Variants in ALMS1 observed in about 807,000 individuals in gnomAD.
ALMS1 encodes the protein centrosome-associated protein ALMS1.
A neutral mutation model predicts 352.2 loss-of-function variants in ALMS1; 271 were observed. That is an observed-to-expected ratio of 0.77 (90% CI 0.70 to 0.85). The LOEUF (loss-of-function observed/expected upper bound fraction) is 0.85, where lower values mean the gene tolerates loss of function less well. Ranked by LOEUF, ALMS1 falls within the 40% of genes least tolerant of loss-of-function variation. The probability of loss-of-function intolerance (pLI) is 0.00; values close to 1 mark genes in which losing one functional copy is unlikely to be tolerated. For missense variants in ALMS1, 5,445 were observed against 4,870.7 expected (o/e 1.12, Z -3.51); for synonymous variants, 1,865 against 1,761.2 (o/e 1.06, Z -1.48).
At chr2:73,462,686 A>C (rs1179261266) in intron 9 of ALMS1, 1 of 152,248 alleles carries the variant, frequency 6.6e-6, no homozygotes, top group Non-Finnish European at 1.5e-5. Flanking sequence ...GTCAAGACCC[A>C]TCAGTGTGCT....
At chr2:73,526,551 G>A (rs1332601066) in intron 11 of ALMS1, among the ~76,000 whole-genome samples, 3 of 151,880 alleles carry the variant, frequency 2.0e-5, no homozygotes, top group Non-Finnish European at 4.4e-5. Context: ...TGTGGCTATT[G>A]TAAATGGGAT....
intron 9 of ALMS1, among the ~76,000 whole-genome samples, chr2:73,485,893 G>A (rs1672830033): frequency 6.6e-6 from 1 of 152,140 alleles, no homozygotes; most frequent in South Asian, 2.1e-4. Context: ...CTGACCCCTT[G>A]CGCTTCCCAA....
At chr2:73,491,577 C>T in intron 10 of ALMS1, 79 bp downstream of exon 10, 1 of 1,484,300 alleles carries the variant, frequency 6.7e-7, no homozygotes, top group Non-Finnish European at 9.3e-7. Flanking sequence ...GATATCGGTT[C>T]TTGGGGGAAA....
At position 73,550,284 on chromosome 2, in the gene ALMS1, G is replaced by C; in HGVS notation, c.9925G>C (p.Ala3309Pro). The change falls in exon 13 of 23, where the codon GCT (alanine) becomes CCT (proline). Residue 3309 changes from alanine to proline, a missense_variant. Coordinates refer to ENST00000613296, the MANE Select transcript of ALMS1 (RefSeq NM_001378454.1). The part of the protein sequence containing the change: ...SSHSGSNDAI[A>P]PDFPAQVLGT... ...TTCTGTAGGATCCAATGATGCCATT[G>C]CTCCAGACTTCCCAGCTCAGGTGCT... The C allele has an allele frequency of 2.5e-6, 4 of 1,614,058 alleles. No individual in the cohort carries two copies. The highest frequency in any genetic ancestry group is 3.4e-6 in the Non-Finnish European group (4 of 1,179,948).
At chr2:73,602,053 C>A in intron 19 of ALMS1, 132 bp from the exon 20 acceptor site, 1 of 947,236 alleles carries the variant, frequency 1.1e-6, no homozygotes. Context: ...TTCTTCAACG[C>A]TAGATACTTT....
intron 16 of ALMS1, among the ~76,000 whole-genome samples, chr2:73,582,471 C>T (rs1285679675): frequency 1.3e-5 from 2 of 152,164 alleles, no homozygotes; most frequent in African/African-American, 4.8e-5. Flanking sequence ...AAACCAATCT[C>T]CAGAACTTTT....
chr2:73,550,005 A>G (rs1573012801), intron 12 of ALMS1, among the ~76,000 whole-genome samples: 1 of 152,046 alleles, frequency 6.6e-6, no homozygotes, highest in Non-Finnish European at 1.5e-5. Flanking sequence ...GATTACACGC[A>G]CCTGCCACCA....
In ALMS1 at chr2:73,558,943, T is replaced by G. The variant is rs760011966; in HGVS notation, c.10214-29T>G. On this transcript the variant is annotated intron_variant, in intron 14 of 22. Coordinates refer to ENST00000613296, the MANE Select transcript of ALMS1 (RefSeq NM_001378454.1). The stretch of plus-strand genomic sequence containing the variant: ...AAATCTTTTATGTCAAGTTCCTGTC[T>G]GTATAGTGTGTTAATTTCCCTTTCG... 2.1e-5 allele frequency: 34 copies of G among 1,612,808 alleles called. No individual in the cohort carries two copies. The South Asian group carries it at 3.7e-4, about 18-fold the overall frequency.
intron 10 of ALMS1, among the ~76,000 whole-genome samples, chr2:73,500,530 T>TA (rs527503222): frequency 4.0e-4 from 61 of 152,274 alleles, no homozygotes; most frequent in African/African-American, 1.4e-3. Flanking sequence ...CAGCCTCTGT[T>TA]ACTGCTTGTA....
chr2:73,393,803 T>C (rs1338400588), intron 1 of ALMS1, among the ~76,000 whole-genome samples: 2 of 152,140 alleles, frequency 1.3e-5, no homozygotes, highest in African/African-American at 4.8e-5. Flanking sequence ...ATGCCCACCT[T>C]ATTCCAGGAA....
chr2:73,481,148 G>T (rs1407234267), intron 9 of ALMS1, among the ~76,000 whole-genome samples: 1 of 152,152 alleles, frequency 6.6e-6, no homozygotes, highest in Non-Finnish European at 1.5e-5. Flanking sequence ...TGAAGTCCTT[G>T]CCCACACCTA....
chr2:73,567,698 G>A (rs949178986), intron 15 of ALMS1, among the ~76,000 whole-genome samples: 5 of 152,070 alleles, frequency 3.3e-5, no homozygotes, highest in African/African-American at 9.7e-5. Flanking sequence ...TTAGAGTATC[G>A]TGAGAATTTT....
chr2:73,598,233 C>T (rs1573051312), intron 16 of ALMS1, among the ~76,000 whole-genome samples: 1 of 152,098 alleles, frequency 6.6e-6, no homozygotes, highest in African/African-American at 2.4e-5. Flanking sequence ...GTATGGTATG[C>T]TATGTATTCT....
At chr2:73,443,708 T>TTA (rs1162870664) in intron 7 of ALMS1, among the ~76,000 whole-genome samples, 13 of 152,164 alleles carry the variant, frequency 8.5e-5, no homozygotes, top group Non-Finnish European at 1.5e-5. Context: ...TTGAATGACT[T>TTA]TATGAATTGA....
intron 5 of ALMS1, 94 bp downstream of exon 5, chr2:73,424,996 A>G (rs879628710): frequency 2.0e-5 from 21 of 1,072,758 alleles, no homozygotes; most frequent in African/African-American, 8.2e-5. Context: ...CCCTTTTCCT[A>G]TGTGCCATGG....
intron 3 of ALMS1, among the ~76,000 whole-genome samples, chr2:73,421,194 GTTAC>G (rs1363348272): frequency 6.6e-6 from 1 of 152,108 alleles, no homozygotes; most frequent in East Asian, 1.9e-4. Flanking sequence ...TAACTTACTT[GTTAC>G]TTACTATTCC....
intron 12 of ALMS1, among the ~76,000 whole-genome samples, chr2:73,544,431 G>A (rs1021466113): frequency 1.3e-5 from 2 of 151,940 alleles, no homozygotes; most frequent in Admixed American, 1.3e-4. Context: ...CGAGTTAATG[G>A]GTGCAGCACA....
intron 10 of ALMS1, among the ~76,000 whole-genome samples, chr2:73,496,662 G>T (rs1673114907): frequency 6.6e-6 from 1 of 151,668 alleles, no homozygotes. Context: ...ACTAATACTG[G>T]TTTTTCAGAG....
rs1466354765 is a variant in ALMS1, at chr2:73,426,573, T to C, written c.1338+20T>C. On this transcript the variant is annotated intron_variant, in intron 6 of 22. Transcript: ENST00000613296. ...AGAAAGGTGAGACACAATAAAATGA[T>C]AGTTGTAAGAAACGTGGCCTTTTTC... The C allele has an allele frequency of 6.2e-7, 1 of 1,609,856 alleles. No homozygotes were observed. Among genetic ancestry groups the C allele is most frequent in the African/African-American group, 1.3e-5 (1 of 74,966 alleles).
Sources: gnomAD v4.1 joint callset for allele counts (sites outside exome capture counted in the v4.1 genomes callset) on GRCh38, gnomAD v4.1.1 for gene constraint, MANE v1.5 for transcripts, NCBI Gene and HGNC (gene_info 2026-07-23, HGNC 2026-07-21) for gene names.